Variants in REV3L observed in about 807,000 individuals in gnomAD.
The protein encoded by REV3L is DNA polymerase zeta catalytic subunit.
In REV3L, 69 loss-of-function variants were observed where a neutral mutation model predicts 299.4. That is an observed-to-expected ratio of 0.23 (90% CI 0.19 to 0.28). The LOEUF (loss-of-function observed/expected upper bound fraction) is 0.28, where lower values mean the gene tolerates loss of function less well. REV3L is among the 10% of genes least tolerant of loss of function. The probability of loss-of-function intolerance (pLI) is 1.00; values close to 1 mark genes in which losing one functional copy is unlikely to be tolerated. For synonymous variants in REV3L, 1,238 were observed against 1,271.4 expected (o/e 0.97, Z 0.56); for missense variants, 3,128 against 3,693.8 (o/e 0.85, Z 3.97).
chr6:111,375,488 T>C lies in REV3L; in HGVS notation c.2867A>G (p.Asp956Gly). ...PHPMEIGESL[D>G]GTLKSRKRRK... ...TCGTTTTCGGGATTTGAGAGTTCCA[T>C]CTAAACTTTCACCAATTTCCATGGG... The change falls in exon 13 of 32, where the codon GAT (aspartate) becomes GGT (glycine). Residue 956 changes from aspartate to glycine, a missense_variant. By Grantham distance (94) the Asp-to-Gly change is moderately conservative. This residue lies in a region of REV3L where 2,409 missense variants were observed against 2,611.8 expected (regional missense o/e 0.92). Transcript: ENST00000368802. 1 of 1,607,436 alleles carries C rather than the reference T, an allele frequency of 6.2e-7. No individual in the cohort carries two copies. The highest frequency in any genetic ancestry group is 1.3e-5 in the African/African-American group (1 of 74,476).
chr6:111,337,313 A>C (rs1416489281), intron 21 of REV3L, among the ~76,000 whole-genome samples: 1 of 152,210 alleles, frequency 6.6e-6, no homozygotes, highest in African/African-American at 2.4e-5. Context: ...AAAGAATCCT[A>C]AACTCTATAA....
At chr6:111,443,230 C>G (rs903046497) in intron 1 of REV3L, among the ~76,000 whole-genome samples, 6 of 151,756 alleles carry the variant, frequency 4.0e-5, no homozygotes, top group African/African-American at 1.5e-4. Flanking sequence ...CTCACTGCAA[C>G]CTCCGCTTCC....
At chr6:111,479,617 C>G (rs1283295580) in intron 1 of REV3L, among the ~76,000 whole-genome samples, 1 of 149,178 alleles carries the variant, frequency 6.7e-6, no homozygotes. Context: ...TGAAGCGATT[C>G]TCCTGTCTCA....
Position 111,482,891 on chromosome 6 carries a change from T to TCGCCGC in REV3L, c.-9_-4dup. Reference sequence around the variant, plus strand: ...GTCACTATCCTTACTGAAAACATGTTCGCCGCCGCCGCCACTGCCTCCCTT... The same window carrying TCGCCGC: ...GTCACTATCCTTACTGAAAACATGTTCGCCGCCGCCGCCGCCGCCACTGCCTCCCTT... On this transcript the variant is annotated 5_prime_UTR_variant, in exon 1 of 32. Coordinates refer to ENST00000368802, the MANE Select transcript of REV3L (RefSeq NM_001372078.1). 6.6e-7 allele frequency: 1 copy of TCGCCGC among 1,512,788 alleles called. No homozygotes were observed. The highest frequency in any genetic ancestry group is 8.8e-7 in the Non-Finnish European group (1 of 1,140,396). 93.7% of individuals were successfully genotyped at this position (1,512,788 alleles called of 1,614,324 possible). A position where few individuals can be genotyped will look rare whatever the true frequency, so the allele number is the denominator to read the frequency against.
At chr6:111,413,866 T>A (rs975142957) in intron 2 of REV3L, among the ~76,000 whole-genome samples, 3 of 152,144 alleles carry the variant, frequency 2.0e-5, no homozygotes, top group Non-Finnish European at 4.4e-5. Flanking sequence ...CTGGGCTGTT[T>A]GGAGACTTAA....
At chr6:111,443,548 A>G (rs1057203324) in intron 1 of REV3L, among the ~76,000 whole-genome samples, 1 of 152,124 alleles carries the variant, frequency 6.6e-6, no homozygotes, top group Non-Finnish European at 1.5e-5. Context: ...CTCGTTTTTA[A>G]ATTTTGTTAG....
intron 18 of REV3L, among the ~76,000 whole-genome samples, chr6:111,352,863 G>A (rs1011537931): frequency 3.9e-5 from 6 of 152,100 alleles, no homozygotes; most frequent in Admixed American, 2.0e-4. Context: ...GAACCTCCAT[G>A]TTGTGACCAC....
chr6:111,470,416 T>A (rs1792054033), intron 1 of REV3L, among the ~76,000 whole-genome samples: 1 of 152,228 alleles, frequency 6.6e-6, no homozygotes, highest in African/African-American at 2.4e-5. Flanking sequence ...TAGGCAAAGT[T>A]AATTAACCTC....
intron 1 of REV3L, among the ~76,000 whole-genome samples, chr6:111,448,690 G>A (rs554541297): frequency 1.3e-4 from 19 of 151,674 alleles, no homozygotes; most frequent in African/African-American, 3.4e-4. Context: ...GCACAATCAC[G>A]GCTCACTGTA....
intron 9 of REV3L, among the ~76,000 whole-genome samples, chr6:111,382,791 TC>T (rs1268118832): frequency 6.6e-6 from 1 of 151,612 alleles, no homozygotes; most frequent in East Asian, 1.9e-4. Context: ...TCACCCCCCC[TC>T]CCCCAACCTT....
At chr6:111,330,010 G>A (rs1181005992) in intron 24 of REV3L, among the ~76,000 whole-genome samples, 1 of 152,188 alleles carries the variant, frequency 6.6e-6, no homozygotes, top group Admixed American at 6.5e-5. Context: ...ATGTCAACTA[G>A]TGCATAAGTG....
At chr6:111,456,078 T>C (rs1338432857) in intron 1 of REV3L, among the ~76,000 whole-genome samples, 1 of 152,240 alleles carries the variant, frequency 6.6e-6, no homozygotes, top group Non-Finnish European at 1.5e-5. Context: ...TATTTATACA[T>C]ATTTTTTCTA....
At chr6:111,429,876 A>G (rs1193554020) in intron 1 of REV3L, among the ~76,000 whole-genome samples, 4 of 152,160 alleles carry the variant, frequency 2.6e-5, no homozygotes, top group African/African-American at 9.7e-5. Context: ...TACCAGGAGT[A>G]TGTAGAGAAG....
chr6:111,431,656 G>T, intron 1 of REV3L: 1 of 876,512 alleles, frequency 1.1e-6, no homozygotes, highest in Non-Finnish European at 1.9e-6. Flanking sequence ...AAGCACATAC[G>T]GAGTTTGAAA....
chr6:111,360,198 T>C (rs1160239258), intron 16 of REV3L, among the ~76,000 whole-genome samples: 2 of 152,144 alleles, frequency 1.3e-5, no homozygotes, highest in Non-Finnish European at 2.9e-5. Context: ...GGCAGATCTG[T>C]ATGTCCTAAT....
chr6:111,467,519 A>G (rs1233296807), intron 1 of REV3L, among the ~76,000 whole-genome samples: 2 of 152,236 alleles, frequency 1.3e-5, no homozygotes, highest in Admixed American at 6.5e-5. Flanking sequence ...CTGGCCCTCC[A>G]TATCTGTGGG....
chr6:111,464,933 C>T (rs1336504491), intron 1 of REV3L, among the ~76,000 whole-genome samples: 5 of 151,746 alleles, frequency 3.3e-5, no homozygotes, highest in African/African-American at 1.2e-4. Context: ...ACCTGGGAGA[C>T]GGAGGCTGCA....
intron 1 of REV3L, among the ~76,000 whole-genome samples, chr6:111,426,525 T>C (rs755743317): frequency 1.3e-5 from 2 of 152,192 alleles, no homozygotes; most frequent in Non-Finnish European, 2.9e-5. Context: ...CCCTGAGCAG[T>C]AGGATATAAA....
chr6:111,383,195 C>T (rs944367800), intron 9 of REV3L, among the ~76,000 whole-genome samples: 7 of 152,258 alleles, frequency 4.6e-5, no homozygotes, highest in East Asian at 1.9e-4. Context: ...ATTGAAAGCC[C>T]GTTCTCTAAG....
Sources: allele counts gnomAD v4.1 joint callset (sites outside exome capture counted in the v4.1 genomes callset), GRCh38; gene constraint gnomAD v4.1.1; regional missense constraint gnomAD v4.1.1; transcripts MANE v1.5; gene names NCBI Gene and HGNC (gene_info 2026-07-23, HGNC 2026-07-21).